SPOCK3: variants seen among roughly 807,000 people sequenced by gnomAD.
The protein encoded by SPOCK3 is testican-3.
In SPOCK3, 30 loss-of-function variants were observed where a neutral mutation model predicts 56.6. The ratio of observed to expected loss-of-function variants is 0.53; its 90% CI spans 0.40 to 0.72. The LOEUF is 0.72. SPOCK3 is among the 30% of genes least tolerant of loss of function. The pLI is 0.00. For synonymous variants in SPOCK3, 196 were observed against 183.3 expected, an observed-to-expected ratio of 1.07 and a Z score of -0.56; for missense variants, 527 against 530.0, an observed-to-expected ratio of 0.99 and a Z score of 0.06.
At chr4:166,953,826 A>G (rs1415660920) in intron 4 of SPOCK3, among the ~76,000 whole-genome samples, 1 of 107,680 alleles carries the variant, frequency 9.3e-6, no homozygotes, top group African/African-American at 2.6e-5. Context: ...TCAGTAAACT[A>G]TCGTAAGAAC....
At chr4:167,223,072 TATTTTATATATG>T (rs1736184799) in intron 2 of SPOCK3, among the ~76,000 whole-genome samples, 2 of 116,822 alleles carry the variant, frequency 1.7e-5, no homozygotes, top group African/African-American at 7.1e-5. Flanking sequence ...TATGAATATA[TATTTTATATATG>T]AATATATATT....
intron 6 of SPOCK3, among the ~76,000 whole-genome samples, chr4:166,865,336 G>T (rs1194050701): frequency 1.3e-5 from 2 of 152,132 alleles, no homozygotes; most frequent in Non-Finnish European, 2.9e-5. Flanking sequence ...AATTGAATGG[G>T]CAATAGCTGG....
At chr4:166,946,480 C>T (rs997113688) in intron 4 of SPOCK3, among the ~76,000 whole-genome samples, 48 of 152,136 alleles carry the variant, frequency 3.2e-4, no homozygotes, top group Admixed American at 2.9e-3. Flanking sequence ...TAACCTGTGC[C>T]GCCAAGTCCT....
chr4:166,921,461 C>T (rs566564042), intron 4 of SPOCK3, among the ~76,000 whole-genome samples: 8 of 151,966 alleles, frequency 5.3e-5, no homozygotes, highest in East Asian at 2.0e-4. Flanking sequence ...GCACTATAGG[C>T]GCACGCCACC....
At chr4:166,973,958 T>C (rs1163912795) in intron 4 of SPOCK3, among the ~76,000 whole-genome samples, 1 of 152,176 alleles carries the variant, frequency 6.6e-6, no homozygotes, top group African/African-American at 2.4e-5. Flanking sequence ...AAGATATGTA[T>C]CTGATAAACA....
chr4:167,201,598 A>G (rs1733521206), intron 2 of SPOCK3, among the ~76,000 whole-genome samples: 1 of 152,004 alleles, frequency 6.6e-6, no homozygotes, highest in Admixed American at 6.6e-5. Context: ...TGTAATTATC[A>G]AGGTGCAAAT....
Position 166,733,434 on chromosome 4 carries a change from GA to G in SPOCK3, c.*1486del, listed in dbSNP as rs1372289744. 1 of 151,660 alleles carries G rather than the reference GA, an allele frequency of 6.6e-6. No homozygotes were observed. 9.4% of individuals were successfully genotyped at this position (151,660 alleles called of 1,614,324 possible). On this transcript the variant is annotated 3_prime_UTR_variant, in exon 11 of 11. Transcript: ENST00000357545. Reference sequence around the variant, plus strand: ...TAAACTATACATAAACAGTAAAAAAGAAAATGCATTATACTTTATTACGTAA... The same window carrying G: ...TAAACTATACATAAACAGTAAAAAAGAAATGCATTATACTTTATTACGTAA...
chr4:167,145,903 T>C (rs1763909343), intron 2 of SPOCK3, among the ~76,000 whole-genome samples: 1 of 152,110 alleles, frequency 6.6e-6, no homozygotes, highest in Non-Finnish European at 1.5e-5. Context: ...CTGCATCAGC[T>C]AATGGGCAAA....
intron 2 of SPOCK3, among the ~76,000 whole-genome samples, chr4:167,232,417 A>G (rs1469518298): frequency 6.6e-6 from 1 of 151,878 alleles, no homozygotes; most frequent in Admixed American, 6.6e-5. Flanking sequence ...AATATATCCC[A>G]TTGTTGGGAG....
chr4:166,850,796 G>A (rs546020234), intron 6 of SPOCK3, among the ~76,000 whole-genome samples: 8 of 152,156 alleles, frequency 5.3e-5, no homozygotes, highest in African/African-American at 9.7e-5. Context: ...ATTATATCCC[G>A]CACCTGGCTC....
chr4:166,960,514 AGT>A (rs1188602644), intron 4 of SPOCK3, among the ~76,000 whole-genome samples: 1 of 152,216 alleles, frequency 6.6e-6, no homozygotes, highest in Non-Finnish European at 1.5e-5. Flanking sequence ...CAGCTTTGGC[AGT>A]GAGTCTGATA....
chr4:167,150,177 T>C (rs1342092771), intron 2 of SPOCK3, among the ~76,000 whole-genome samples: 1 of 152,112 alleles, frequency 6.6e-6, no homozygotes, highest in Non-Finnish European at 1.5e-5. Flanking sequence ...CCTACAGCAT[T>C]TAGAGCCCTG....
intron 2 of SPOCK3, among the ~76,000 whole-genome samples, chr4:167,170,265 A>G (rs991218444): frequency 2.6e-5 from 4 of 152,178 alleles, no homozygotes; most frequent in African/African-American, 4.8e-5. Flanking sequence ...AAATGCTAGA[A>G]GAAAAAGTAA....
rs555182923 is a variant in SPOCK3 at position 166,915,883 on chromosome 4, G to A, written c.351-3140C>T. Among the ~76,000 whole-genome samples the A allele has an allele frequency of 7.2e-5, 11 of 152,190 alleles. No homozygotes were observed. In the East Asian group the frequency reaches 1.9e-3, roughly 27 times the overall value. ...GTTATCTGAAATTATTAACAAATAG[G>A]GTGATACAACTTGCTTCCACTAATG... On this transcript the variant is annotated intron_variant, in intron 4 of 10. Transcript: ENST00000357545.
intron 5 of SPOCK3, among the ~76,000 whole-genome samples, chr4:166,896,084 A>ATTT (rs1735351549): frequency 6.6e-6 from 1 of 152,058 alleles, no homozygotes; most frequent in Non-Finnish European, 1.5e-5. Context: ...CAGTTAGAAC[A>ATTT]TTATTAAGAG....
intron 4 of SPOCK3, among the ~76,000 whole-genome samples, chr4:166,963,469 A>G (rs1744372733): frequency 6.6e-6 from 1 of 151,920 alleles, no homozygotes; most frequent in South Asian, 2.1e-4. Flanking sequence ...CATTGTTGAT[A>G]ATGAAATATA....
chr4:167,134,163 G>C (rs1762925928), intron 2 of SPOCK3, among the ~76,000 whole-genome samples: 1 of 151,116 alleles, frequency 6.6e-6, no homozygotes, highest in Non-Finnish European at 1.5e-5. Flanking sequence ...TGAGTAGCTG[G>C]GACTACAGGT....
chr4:167,091,362 T>G (rs527551562), intron 2 of SPOCK3, among the ~76,000 whole-genome samples: 1 of 152,340 alleles, frequency 6.6e-6, no homozygotes, highest in East Asian at 1.9e-4. Flanking sequence ...ATCAGAGATT[T>G]TGAAGATCAG....
At chr4:167,006,925 C>T (rs749212682) in intron 3 of SPOCK3, among the ~76,000 whole-genome samples, 17 of 152,138 alleles carry the variant, frequency 1.1e-4, no homozygotes, top group Non-Finnish European at 2.1e-4. Flanking sequence ...AGCATGGCCA[C>T]GTCCAAGGAT....
Sources: gnomAD v4.1 joint callset for allele counts (sites outside exome capture counted in the v4.1 genomes callset) on GRCh38, gnomAD v4.1.1 for gene constraint, MANE v1.5 for transcripts, NCBI Gene and HGNC (gene_info 2026-07-23, HGNC 2026-07-21) for gene names.